The following RSU1 variants were observed in gnomAD, a reference collection of about 807,000 sequenced individuals.
RSU1 encodes rsu-1.
Under a neutral mutation model 31.1 loss-of-function variants are expected in RSU1, and 26 were observed. The ratio of observed to expected loss-of-function variants is 0.84; its 90% CI spans 0.61 to 1.16. The LOEUF (loss-of-function observed/expected upper bound fraction) is 1.16, where lower values mean the gene tolerates loss of function less well. Among genes scored for constraint, RSU1 ranks in the 50% most tolerant of loss-of-function variants. The pLI is 0.00. For synonymous variants in RSU1, 164 were observed against 136.3 expected, an observed-to-expected ratio of 1.20 and a Z score of -1.41; for missense variants, 320 against 339.1, an observed-to-expected ratio of 0.94 and a Z score of 0.44.
chr10:16,777,861 T>C (rs1206643709), intron 3 of RSU1, among the ~76,000 whole-genome samples: 1 of 152,026 alleles, frequency 6.6e-6, no homozygotes, highest in Non-Finnish European at 1.5e-5. Flanking sequence ...CCTTCGGCAT[T>C]ATTGCTGCCT....
At position 16,726,021 on chromosome 10, in the gene RSU1, G is replaced by A. The variant is rs77438564; in HGVS notation, c.598+26518C>T. Among the ~76,000 whole-genome samples, 605 of 151,084 alleles carry A rather than the reference G, an allele frequency of 4.0e-3. 3 individuals are homozygous for A. The East Asian group carries it at 0.045, about 11-fold the overall frequency. On this transcript the variant is annotated intron_variant, in intron 7 of 8. Coordinates refer to ENST00000345264, the MANE Select transcript of RSU1 (RefSeq NM_012425.4). ...ACATAGAATGTAGATACATATGCACGTATATATGTGTATATACATATAAAA... is the reference window on the plus strand; with the variant it reads ...ACATAGAATGTAGATACATATGCACATATATATGTGTATATACATATAAAA...
chr10:16,619,395 A>G (rs1296552568), intron 8 of RSU1, among the ~76,000 whole-genome samples: 2 of 152,184 alleles, frequency 1.3e-5, no homozygotes, highest in African/African-American at 4.8e-5. Context: ...TGTGATGTCA[A>G]CGGGAACAAC....
intron 7 of RSU1, among the ~76,000 whole-genome samples, chr10:16,700,705 A>C (rs1835774615): frequency 6.6e-6 from 1 of 152,220 alleles, no homozygotes. Flanking sequence ...GAAAATGATC[A>C]GAAGGCCTAT....
At chr10:16,795,353 C>CAAAA (rs532677802) in intron 2 of RSU1, among the ~76,000 whole-genome samples, 3 of 75,212 alleles carry the variant, frequency 4.0e-5, no homozygotes, top group South Asian at 4.7e-4. Context: ...GACTCCATCT[C>CAAAA]AAAAAAAAAA....
chr10:16,757,092 T>A (rs1200481783), intron 4 of RSU1, among the ~76,000 whole-genome samples: 4 of 150,604 alleles, frequency 2.7e-5, no homozygotes, highest in Non-Finnish European at 1.5e-5. Flanking sequence ...GTGGGTGTGG[T>A]GCGTGTGGGT....
chr10:16,660,977 A>G (rs1021102939), intron 8 of RSU1, among the ~76,000 whole-genome samples: 1 of 151,648 alleles, frequency 6.6e-6, no homozygotes, highest in Non-Finnish European at 1.5e-5. Flanking sequence ...TATGTGTAAT[A>G]CCCTTTTAAC....
rs115038656 is a variant in RSU1 at position 16,655,757 on chromosome 10, G to A, written c.731+39266C>T. 3.6e-3 allele frequency among the ~76,000 whole-genome samples: 547 copies of A among 152,208 alleles called. 6 individuals carry two copies. The highest frequency in any genetic ancestry group is 0.012 in the African/African-American group (490 of 41,530). Reference sequence around the variant, plus strand: ...GTAGGTGTTTACTTTGTATTTCCACGTCAGCATCTTTAGCAGCACATATTT... The same window carrying A: ...GTAGGTGTTTACTTTGTATTTCCACATCAGCATCTTTAGCAGCACATATTT... On this transcript the variant is annotated intron_variant, in intron 8 of 8. Transcript: ENST00000345264.
chr10:16,745,505 G>C (rs1007301496), intron 7 of RSU1, among the ~76,000 whole-genome samples: 4 of 152,162 alleles, frequency 2.6e-5, no homozygotes, highest in African/African-American at 9.7e-5. Context: ...GGAAGGCAAG[G>C]AGAAGCAAGT....
At chr10:16,816,160 G>A (rs1023517155) in intron 2 of RSU1, among the ~76,000 whole-genome samples, 8 of 152,166 alleles carry the variant, frequency 5.3e-5, no homozygotes, top group Non-Finnish European at 5.9e-5. Context: ...CTAAAAATTA[G>A]CAAATTTCAC....
chr10:16,665,851 T>C (rs528303852), intron 8 of RSU1, among the ~76,000 whole-genome samples: 7 of 152,288 alleles, frequency 4.6e-5, no homozygotes, highest in East Asian at 1.9e-4. Flanking sequence ...AGGTAACATA[T>C]TGGACAAAGG....
intron 7 of RSU1, among the ~76,000 whole-genome samples, chr10:16,730,996 G>A (rs1836500246): frequency 6.6e-6 from 1 of 152,028 alleles, no homozygotes. Flanking sequence ...GCTTATTTTT[G>A]TATTTTTAGT....
intron 3 of RSU1, among the ~76,000 whole-genome samples, chr10:16,770,674 G>C (rs1370329782): frequency 1.3e-5 from 2 of 152,246 alleles, no homozygotes; most frequent in Non-Finnish European, 2.9e-5. Flanking sequence ...TCTGCCTCCA[G>C]TGATGGATTG....
rs371929449 is a variant in RSU1 at position 16,753,095 on chromosome 10, C to A, written c.401-95G>T. On this transcript the variant is annotated intron_variant, in intron 5 of 8. Coordinates refer to ENST00000345264, the MANE Select transcript of RSU1 (RefSeq NM_012425.4). ...AGGGAGTCAGCTTTGATTAATAACC[C>A]TGGCTTGGTGAAAAGCCTTTGACAT... 2.8e-5 allele frequency: 26 copies of A among 925,786 alleles called. No homozygotes were observed. The South Asian group carries it at 3.6e-4, about 13-fold the overall frequency. The allele number at this position is 925,786 out of a possible 1,614,324, so 57.3% of individuals were successfully genotyped here.
intron 2 of RSU1, among the ~76,000 whole-genome samples, chr10:16,808,203 C>T (rs1301774257): frequency 6.6e-6 from 1 of 151,270 alleles, no homozygotes; most frequent in Non-Finnish European, 1.5e-5. Context: ...TCCAACCGGG[C>T]GCAGTGGCTC....
At chr10:16,688,727 G>A (rs1835485718) in intron 8 of RSU1, among the ~76,000 whole-genome samples, 1 of 152,220 alleles carries the variant, frequency 6.6e-6, no homozygotes, top group South Asian at 2.1e-4. Context: ...AAAGCCAGGT[G>A]CCGTGGTGCG....
intron 8 of RSU1, among the ~76,000 whole-genome samples, chr10:16,614,559 TA>T (rs748605221): frequency 2.8e-4 from 42 of 152,144 alleles, no homozygotes; most frequent in Non-Finnish European, 5.6e-4. Context: ...AGATACCCAA[TA>T]TACCAAGATG....
At chr10:16,722,840 GTATA>G (rs1272837105) in intron 7 of RSU1, among the ~76,000 whole-genome samples, 4 of 105,174 alleles carry the variant, frequency 3.8e-5, no homozygotes, top group Admixed American at 2.1e-4. Context: ...CCACATATAT[GTATA>G]TATACACACA....
chr10:16,636,059 A>G (rs1834339658), intron 8 of RSU1, among the ~76,000 whole-genome samples: 1 of 152,112 alleles, frequency 6.6e-6, no homozygotes, highest in African/African-American at 2.4e-5. Context: ...TGGTGCCTCC[A>G]GGCTTGGTGT....
intron 8 of RSU1, among the ~76,000 whole-genome samples, chr10:16,679,497 T>G (rs3864821): frequency 0.68 from 103,538 of 152,030 alleles, 35,493 homozygotes; most frequent in East Asian, 0.85. Context: ...TAAAAGGAGC[T>G]TAGAGTTGAT....
Sources: allele counts gnomAD v4.1 joint callset (sites outside exome capture counted in the v4.1 genomes callset), GRCh38; gene constraint gnomAD v4.1.1; transcripts MANE v1.5; gene names NCBI Gene and HGNC (gene_info 2026-07-23, HGNC 2026-07-21).